WDR7: variants seen among roughly 807,000 people sequenced by gnomAD.
WDR7 encodes WD repeat-containing protein 7.
WDR7 carries 46 observed loss-of-function variants against 169.4 expected under a neutral mutation model. The observed-to-expected ratio is 0.27, with a 90% CI of 0.21 to 0.35. The LOEUF is 0.35. Ranked by LOEUF, WDR7 falls within the 10% of genes least tolerant of loss-of-function variation. The pLI is 1.00. For missense variants in WDR7, 1,534 were observed against 1,859.3 expected (o/e 0.83, Z 3.22); for synonymous variants, 612 against 666.8 (o/e 0.92, Z 1.27).
At chr18:56,897,567 G>A (rs778669271) in intron 21 of WDR7, among the ~76,000 whole-genome samples, 1 of 151,926 alleles carries the variant, frequency 6.6e-6, no homozygotes, top group Non-Finnish European at 1.5e-5. Context: ...AAGAAAGGGG[G>A]TGAATTCAGG....
At chr18:56,803,089 C>G (rs970780617) in intron 19 of WDR7, among the ~76,000 whole-genome samples, 1 of 152,164 alleles carries the variant, frequency 6.6e-6, no homozygotes, top group Admixed American at 6.6e-5. Context: ...ACATGGTACT[C>G]ATTACTGTCC....
intron 2 of WDR7, among the ~76,000 whole-genome samples, chr18:56,675,966 C>T (rs918396136): frequency 6.6e-6 from 1 of 152,028 alleles, no homozygotes; most frequent in Non-Finnish European, 1.5e-5. Context: ...TCTACAGGTG[C>T]ACACTACTAC....
At chr18:56,688,107 A>G (rs1181976145) in intron 7 of WDR7, among the ~76,000 whole-genome samples, 2 of 152,170 alleles carry the variant, frequency 1.3e-5, no homozygotes, top group Non-Finnish European at 2.9e-5. Context: ...AAAGGGATGA[A>G]TAACTTGACA....
At chr18:56,697,613 T>C (rs1423158006) in intron 12 of WDR7, among the ~76,000 whole-genome samples, 1 of 152,186 alleles carries the variant, frequency 6.6e-6, no homozygotes, top group Non-Finnish European at 1.5e-5. Context: ...ATTATTGTAA[T>C]TACATTAATA....
intron 14 of WDR7, among the ~76,000 whole-genome samples, chr18:56,732,332 T>C (rs1489425059): frequency 6.6e-6 from 1 of 152,234 alleles, no homozygotes; most frequent in Non-Finnish European, 1.5e-5. Flanking sequence ...ACAATCTCAA[T>C]ATTTCATCTC....
At chr18:56,990,267 T>G (rs1156263552) in intron 26 of WDR7, among the ~76,000 whole-genome samples, 1 of 152,148 alleles carries the variant, frequency 6.6e-6, no homozygotes, top group East Asian at 1.9e-4. Context: ...CTTAGGTGAG[T>G]GGCAGTAGAA....
intron 26 of WDR7, among the ~76,000 whole-genome samples, chr18:56,969,015 G>C (rs1213444882): frequency 6.6e-6 from 1 of 152,076 alleles, no homozygotes; most frequent in Non-Finnish European, 1.5e-5. Flanking sequence ...TTCTCTGTAA[G>C]CAGGTAAGAC....
intron 13 of WDR7, among the ~76,000 whole-genome samples, chr18:56,725,446 GTCT>G (rs1395929651): frequency 6.6e-6 from 1 of 152,058 alleles, no homozygotes; most frequent in Non-Finnish European, 1.5e-5. Flanking sequence ...CTGTATAAAT[GTCT>G]TCTTTTGAGA....
chr18:56,759,011 GGC>G, intron 16 of WDR7, 58 bp downstream of exon 16: 1 of 1,381,688 alleles, frequency 7.2e-7, no homozygotes, highest in Non-Finnish European at 1.0e-6. Flanking sequence ...AAACTGAGGA[GGC>G]ATAGCTAATG....
chr18:56,749,900 A>G (rs1297109996), intron 14 of WDR7, among the ~76,000 whole-genome samples: 1 of 151,410 alleles, frequency 6.6e-6, no homozygotes, highest in African/African-American at 2.4e-5. Flanking sequence ...TAAAATATTT[A>G]ATAATAAACA....
At chr18:56,721,131 A>G (rs531656979) in intron 13 of WDR7, among the ~76,000 whole-genome samples, 2 of 152,166 alleles carry the variant, frequency 1.3e-5, no homozygotes, top group Non-Finnish European at 2.9e-5. Flanking sequence ...CTGAGGAGAT[A>G]CTTGATCTCT....
chr18:56,721,772 C>G (rs540963491), intron 13 of WDR7: 1 of 152,280 alleles, frequency 6.6e-6, no homozygotes, highest in Non-Finnish European at 1.5e-5. Flanking sequence ...ACAAAATGTT[C>G]TTCTTATCTA....
At chr18:56,957,640 A>G (rs990893012) in intron 25 of WDR7, among the ~76,000 whole-genome samples, 2 of 152,162 alleles carry the variant, frequency 1.3e-5, no homozygotes, top group Non-Finnish European at 2.9e-5. Flanking sequence ...AAATACATAT[A>G]CAGATACTTA....
chr18:56,674,757 G>A (rs1397793587), intron 2 of WDR7, among the ~76,000 whole-genome samples: 1 of 152,122 alleles, frequency 6.6e-6, no homozygotes, highest in Non-Finnish European at 1.5e-5. Context: ...CTAAGGTCAT[G>A]AAGATTTATC....
chr18:56,834,663 A>C (rs2045369138), intron 20 of WDR7, among the ~76,000 whole-genome samples: 1 of 152,096 alleles, frequency 6.6e-6, no homozygotes, highest in Admixed American at 6.6e-5. Flanking sequence ...GTATTACACA[A>C]CTATTTTCTT....
Position 56,656,222 on chromosome 18 carries a change from T to C in WDR7, c.-20+4646T>C, listed in dbSNP as rs912981152. On this transcript the variant is annotated intron_variant, in intron 1 of 27. Transcript: ENST00000254442. Reference sequence around the variant, plus strand: ...TACCATTTTACATTTCTACCAGGAATGTATGAGAGATTGCATTTCTTTGCA... The same window carrying C: ...TACCATTTTACATTTCTACCAGGAACGTATGAGAGATTGCATTTCTTTGCA... Among the ~76,000 whole-genome samples, 3 of 152,112 alleles carry C rather than the reference T, an allele frequency of 2.0e-5. No individual in the cohort carries two copies. In the South Asian group the frequency reaches 6.2e-4, roughly 32 times the overall value.
At chr18:56,932,130 C>G (rs774800492) in intron 22 of WDR7, among the ~76,000 whole-genome samples, 1 of 152,140 alleles carries the variant, frequency 6.6e-6, no homozygotes, top group Non-Finnish European at 1.5e-5. Flanking sequence ...TACCCTCACA[C>G]ACACAGCCCC....
intron 21 of WDR7, among the ~76,000 whole-genome samples, chr18:56,899,737 C>G (rs1467970187): frequency 6.6e-6 from 1 of 151,932 alleles, no homozygotes; most frequent in African/African-American, 2.4e-5. Flanking sequence ...CTAGACTGTA[C>G]AAGCCTGAAA....
At chr18:56,912,424 A>C (rs1161158673) in intron 21 of WDR7, among the ~76,000 whole-genome samples, 2 of 152,230 alleles carry the variant, frequency 1.3e-5, no homozygotes, top group Non-Finnish European at 2.9e-5. Flanking sequence ...CCAAATTATC[A>C]GTAGCCATAG....
Sources: gnomAD v4.1 joint callset for allele counts (sites outside exome capture counted in the v4.1 genomes callset) on GRCh38, gnomAD v4.1.1 for gene constraint, MANE v1.5 for transcripts, NCBI Gene and HGNC (gene_info 2026-07-23, HGNC 2026-07-21) for gene names.